ALMS1: variants seen among roughly 807,000 people sequenced by gnomAD.
ALMS1 encodes centrosome-associated protein ALMS1.
ALMS1 carries 271 observed loss-of-function variants against 352.2 expected under a neutral mutation model. That is an observed-to-expected ratio of 0.77 (90% CI 0.70 to 0.85). The LOEUF is 0.85. Ranked by LOEUF, ALMS1 falls within the 40% of genes least tolerant of loss-of-function variation. ALMS1 has a pLI of 0.00. For synonymous variants in ALMS1, 1,865 were observed against 1,761.2 expected, an observed-to-expected ratio of 1.06 and a Z score of -1.48; for missense variants, 5,445 against 4,870.7, an observed-to-expected ratio of 1.12 and a Z score of -3.51.
chr2:73,559,370 G>A (rs550083435), intron 15 of ALMS1, among the ~76,000 whole-genome samples: 1 of 151,730 alleles, frequency 6.6e-6, no homozygotes, highest in African/African-American at 2.4e-5. Flanking sequence ...AAAGATATTA[G>A]CAACTTAGAA....
At chr2:73,432,064 A>G (rs1671510281) in intron 6 of ALMS1, 134 bp from the exon 7 acceptor site, 2 of 677,256 alleles carry the variant, frequency 3.0e-6, no homozygotes, top group African/African-American at 1.8e-5. Flanking sequence ...CTTTGTAAAA[A>G]TGAAGGATTA....
chr2:73,532,260 G>A (rs1673930205), intron 11 of ALMS1, among the ~76,000 whole-genome samples: 1 of 152,160 alleles, frequency 6.6e-6, no homozygotes, highest in African/African-American at 2.4e-5. Context: ...GCCTATGTTT[G>A]TTCAAGGCCC....
chr2:73,496,000 A>G (rs1008374187), intron 10 of ALMS1, among the ~76,000 whole-genome samples: 3 of 152,224 alleles, frequency 2.0e-5, no homozygotes, highest in Non-Finnish European at 4.4e-5. Flanking sequence ...GCTGTTTGCT[A>G]AAGTTTCTTA....
At position 73,428,135 on chromosome 2, in the gene ALMS1, G is replaced by A. The variant is rs577401814; in HGVS notation, c.1338+1582G>A. Among the ~76,000 whole-genome samples, 28 of 152,216 alleles carry A rather than the reference G, an allele frequency of 1.8e-4. 1 individual carries two copies. In the South Asian group the frequency reaches 5.8e-3, roughly 32 times the overall value. ...TAATCTGATAACTGGGGATGAAAATGATAGTTAACACTTTGTGCTCAAGTA... is the reference window on the plus strand; with the variant it reads ...TAATCTGATAACTGGGGATGAAAATAATAGTTAACACTTTGTGCTCAAGTA... On this transcript the variant is annotated intron_variant, in intron 6 of 22. Coordinates refer to ENST00000613296, the MANE Select transcript of ALMS1 (RefSeq NM_001378454.1).
intron 10 of ALMS1, among the ~76,000 whole-genome samples, chr2:73,512,927 G>C (rs938016424): frequency 9.9e-5 from 15 of 152,130 alleles, no homozygotes; most frequent in South Asian, 2.1e-4. Context: ...AGGCATATGT[G>C]TTGCTCCCAG....
Position 73,481,121 on chromosome 2 carries a change from T to C in ALMS1, c.7675-8513T>C, listed in dbSNP as rs891353620. ...CAATTTTGTCTTTTGTTGCCATTGC[T>C]TTTGGTGTTTTAGACATGAAGTCCT... On this transcript the variant is annotated intron_variant, in intron 9 of 22. Transcript: ENST00000613296. Among the ~76,000 whole-genome samples, 5 of 152,330 alleles carry C rather than the reference T, an allele frequency of 3.3e-5. No homozygotes were observed. The South Asian group carries it at 6.2e-4, about 19-fold the overall frequency.
intron 14 of ALMS1, 97 bp from the exon 15 acceptor site, chr2:73,558,875 G>A (rs1262876303): frequency 7.5e-7 from 1 of 1,328,502 alleles, no homozygotes; most frequent in Non-Finnish European, 1.0e-6. Flanking sequence ...TTCAATATCA[G>A]TAACAAAGCC....
intron 15 of ALMS1, among the ~76,000 whole-genome samples, chr2:73,566,498 C>CAG (rs1366846627): frequency 1.3e-5 from 2 of 152,196 alleles, no homozygotes; most frequent in Admixed American, 6.5e-5. Context: ...TCATACTACT[C>CAG]ACAACGACGT....
chr2:73,575,661 A>T (rs1675036840), intron 16 of ALMS1, among the ~76,000 whole-genome samples: 1 of 152,024 alleles, frequency 6.6e-6, no homozygotes, highest in South Asian at 2.1e-4. Context: ...GCCATTTTAA[A>T]TCTGGCTGTT....
At chr2:73,580,115 C>G (rs1034167740) in intron 16 of ALMS1, among the ~76,000 whole-genome samples, 4 of 152,084 alleles carry the variant, frequency 2.6e-5, no homozygotes, top group Non-Finnish European at 4.4e-5. Context: ...GGGTTTCACA[C>G]TATCCCAGAC....
intron 11 of ALMS1, among the ~76,000 whole-genome samples, chr2:73,529,761 A>G (rs1036967197): frequency 2.0e-5 from 3 of 152,190 alleles, no homozygotes; most frequent in African/African-American, 7.2e-5. Flanking sequence ...TTATAAAGAA[A>G]GGGAGTTCAA....
chr2:73,504,429 T>TG (rs1673279269), intron 10 of ALMS1, among the ~76,000 whole-genome samples: 1 of 152,198 alleles, frequency 6.6e-6, no homozygotes, highest in African/African-American at 2.4e-5. Flanking sequence ...CAAGCCAGCC[T>TG]TCTTTAACCC....
intron 10 of ALMS1, among the ~76,000 whole-genome samples, chr2:73,519,268 GCTT>G (rs979412224): frequency 3.9e-5 from 6 of 152,142 alleles, no homozygotes; most frequent in African/African-American, 1.2e-4. Context: ...AGCAAAATTT[GCTT>G]CTTCTTTCCA....
At chr2:73,466,487 G>T (rs1203554409) in intron 9 of ALMS1, among the ~76,000 whole-genome samples, 3 of 135,242 alleles carry the variant, frequency 2.2e-5, no homozygotes, top group Admixed American at 1.5e-4. Flanking sequence ...CCTGTTGTGG[G>T]GTGGGGGGAG....
intron 13 of ALMS1, 135 bp from the exon 14 acceptor site, chr2:73,557,085 G>C: frequency 8.6e-7 from 1 of 1,168,126 alleles, no homozygotes; most frequent in Non-Finnish European, 1.3e-6. Flanking sequence ...TTTTACACAG[G>C]TGGAGCCTAA....
rs1180446025 is a variant in ALMS1, at chr2:73,386,170, G to A, written c.302G>A (p.Gly101Asp). The change falls in exon 1 of 23, where the codon GGC (glycine) becomes GAC (aspartate). Residue 101 changes from glycine (G) to aspartate (D), a missense_variant. Gly to Asp is a moderately conservative substitution (Grantham distance 94). Transcript: ENST00000613296. The part of the protein sequence containing the change: ...LSPPQHRYSE[G>D]ERTSLEKIVP... ...CCCCCGCAGCACCGCTACTCGGAGG[G>A]CGAGCGGACCTCCCTGGAGAAGGTG... is the stretch of plus-strand genomic sequence containing the variant. The A allele has an allele frequency of 5.8e-6, 9 of 1,549,194 alleles. No individual in the cohort carries two copies. In the Middle Eastern group the frequency reaches 5.0e-4, roughly 86 times the overall value.
chr2:73,571,506 C>G (rs1674927044), intron 15 of ALMS1, among the ~76,000 whole-genome samples: 1 of 152,074 alleles, frequency 6.6e-6, no homozygotes, highest in African/African-American at 2.4e-5. Flanking sequence ...CAAACAGGAG[C>G]CTTCAGGCCA....
intron 9 of ALMS1, among the ~76,000 whole-genome samples, chr2:73,479,903 C>T (rs1450568006): frequency 6.6e-6 from 1 of 151,996 alleles, no homozygotes; most frequent in Non-Finnish European, 1.5e-5. Flanking sequence ...TATTTTTATT[C>T]TAGTCATTCT....
At chr2:73,404,674 G>T (rs936957132) in intron 1 of ALMS1, among the ~76,000 whole-genome samples, 6 of 151,808 alleles carry the variant, frequency 4.0e-5, no homozygotes, top group African/African-American at 1.5e-4. Flanking sequence ...AATTCTTATT[G>T]GTAATATTTT....
Sources: gnomAD v4.1 joint callset for allele counts (sites outside exome capture counted in the v4.1 genomes callset) on GRCh38, gnomAD v4.1.1 for gene constraint, MANE v1.5 for transcripts, NCBI Gene and HGNC (gene_info 2026-07-23, HGNC 2026-07-21) for gene names.